ARMC3: variants seen among roughly 807,000 people sequenced by gnomAD.
ARMC3 encodes the protein armadillo repeat containing 3.
ARMC3 carries 74 observed loss-of-function variants against 90.3 expected under a neutral mutation model. That is an observed-to-expected ratio of 0.82 (90% CI 0.68 to 0.99). The LOEUF is 0.99. Ranked by LOEUF, ARMC3 falls within the 50% of genes least tolerant of loss-of-function variation. The pLI, the probability that ARMC3 is intolerant of heterozygous loss-of-function variation, is 0.00. For missense variants in ARMC3, 958 were observed against 1,042.8 expected (o/e 0.92, Z 1.12); for synonymous variants, 334 against 361.8 (o/e 0.92, Z 0.87).
intron 8 of ARMC3, among the ~76,000 whole-genome samples, chr10:22,971,244 C>A (rs575679445): frequency 6.6e-6 from 1 of 152,240 alleles, no homozygotes; most frequent in South Asian, 2.1e-4. Context: ...CAAAGAATAT[C>A]CATTGCCTGT....
chr10:22,940,836 T>C (rs1834299129), intron 2 of ARMC3, among the ~76,000 whole-genome samples: 1 of 152,198 alleles, frequency 6.6e-6, no homozygotes, highest in Admixed American at 6.5e-5. Flanking sequence ...AAGCCAGAAA[T>C]TTTACTTCTG....
At chr10:22,991,361 G>A (rs188481772) in intron 10 of ARMC3, among the ~76,000 whole-genome samples, 12 of 152,262 alleles carry the variant, frequency 7.9e-5, no homozygotes, top group Admixed American at 1.3e-4. Context: ...ACTGGGGGCC[G>A]GATGTGATCC....
intron 7 of ARMC3, among the ~76,000 whole-genome samples, chr10:22,965,660 T>A (rs1440702990): frequency 6.6e-6 from 1 of 152,218 alleles, no homozygotes; most frequent in Non-Finnish European, 1.5e-5. Flanking sequence ...CAATTACATA[T>A]ATGTTATCTT....
chr10:22,994,924 G>GT (rs1208285782), intron 10 of ARMC3, among the ~76,000 whole-genome samples: 3 of 152,074 alleles, frequency 2.0e-5, no homozygotes, highest in African/African-American at 4.8e-5. Flanking sequence ...TTTTTAGTTT[G>GT]TTTTTTTCCC....
intron 10 of ARMC3, among the ~76,000 whole-genome samples, chr10:22,983,378 G>C (rs934714263): frequency 2.6e-5 from 4 of 152,156 alleles, no homozygotes; most frequent in African/African-American, 9.6e-5. Context: ...ACAGATTTTT[G>C]TCATCTGACT....
chr10:23,031,131 G>T, intron 17 of ARMC3: 1 of 204,456 alleles, frequency 4.9e-6, no homozygotes, highest in Non-Finnish European at 9.9e-6. Context: ...GGTGGATGGG[G>T]TGTTCATAAG....
At chr10:23,027,812 A>G (rs1838772467) in intron 16 of ARMC3, among the ~76,000 whole-genome samples, 1 of 151,906 alleles carries the variant, frequency 6.6e-6, no homozygotes, top group African/African-American at 2.4e-5. Context: ...ATTGTACCAC[A>G]GGTCCCTGAG....
intron 10 of ARMC3, among the ~76,000 whole-genome samples, chr10:22,992,834 G>C (rs1836768594): frequency 6.6e-6 from 1 of 152,194 alleles, no homozygotes; most frequent in South Asian, 2.1e-4. Flanking sequence ...ATAACCAGGA[G>C]ACCTGTTTAT....
intron 8 of ARMC3, among the ~76,000 whole-genome samples, chr10:22,972,895 T>C (rs1315714608): frequency 2.0e-5 from 3 of 152,330 alleles, no homozygotes; most frequent in East Asian, 3.9e-4. Context: ...GTCTCTTAAC[T>C]ACATTAGCAT....
In ARMC3 at chr10:23,000,285, T is replaced by G. The variant is rs370426886; in HGVS notation, c.1426-1634T>G. Among the ~76,000 whole-genome samples, 6 of 152,288 alleles carry G rather than the reference T, an allele frequency of 3.9e-5. No homozygotes were observed. The East Asian group carries it at 9.7e-4, about 25-fold the overall frequency. The stretch of plus-strand genomic sequence containing the variant: ...CACAGCTATACCTGCTTGATTTCTC[T>G]GCTTTCTCCCTTTTCCCCCACCTGA... On this transcript the variant is annotated intron_variant, in intron 11 of 18. Transcript: ENST00000298032.
intron 10 of ARMC3, among the ~76,000 whole-genome samples, chr10:22,994,641 A>C (rs950498425): frequency 6.6e-6 from 1 of 152,168 alleles, no homozygotes; most frequent in Non-Finnish European, 1.5e-5. Context: ...ATATGATTAT[A>C]ATTTTAAAAC....
At chr10:22,974,853 G>C (rs888983486) in intron 8 of ARMC3, among the ~76,000 whole-genome samples, 1 of 152,064 alleles carries the variant, frequency 6.6e-6, no homozygotes, top group Non-Finnish European at 1.5e-5. Context: ...TGTTGAACAG[G>C]CTGGTCTTGA....
At chr10:22,933,583 C>T (rs1252716857) in intron 2 of ARMC3, among the ~76,000 whole-genome samples, 1 of 152,116 alleles carries the variant, frequency 6.6e-6, no homozygotes, top group Admixed American at 6.6e-5. Flanking sequence ...ACCAATGGTC[C>T]TTACTTTTCC....
chr10:22,953,113 A>G (rs1181855028), intron 3 of ARMC3, among the ~76,000 whole-genome samples: 1 of 152,212 alleles, frequency 6.6e-6, no homozygotes, highest in East Asian at 1.9e-4. Context: ...AAGGCAAGAG[A>G]GTCAGAATTG....
chr10:22,931,404 T>A (rs1256833852), intron 1 of ARMC3, among the ~76,000 whole-genome samples: 1 of 152,198 alleles, frequency 6.6e-6, no homozygotes, highest in African/African-American at 2.4e-5. Flanking sequence ...TTTACTAAGC[T>A]GTGGATTATG....
intron 8 of ARMC3, among the ~76,000 whole-genome samples, chr10:22,976,228 G>A (rs769193589): frequency 2.0e-5 from 3 of 152,058 alleles, no homozygotes; most frequent in Non-Finnish European, 4.4e-5. Context: ...CTTGCCCCAG[G>A]GTCCTCTTTT....
At chr10:23,021,651 C>G (rs1283875911) in intron 16 of ARMC3, among the ~76,000 whole-genome samples, 1 of 152,108 alleles carries the variant, frequency 6.6e-6, no homozygotes. Flanking sequence ...GTCCTTTGCC[C>G]ATTTTTAATG....
chr10:22,936,807 T>C lies in ARMC3; in HGVS notation c.48+4763T>C, dbSNP rs532531719. Among the ~76,000 whole-genome samples, 3 of 152,352 alleles carry C rather than the reference T, an allele frequency of 2.0e-5. No homozygotes were observed. The South Asian group carries it at 6.2e-4, about 32-fold the overall frequency. On this transcript the variant is annotated intron_variant, in intron 2 of 18. Coordinates refer to ENST00000298032, the MANE Select transcript of ARMC3 (RefSeq NM_173081.5). ...AAACAAATGTCATGCCAAGTTTCTCTATTCTCTGCCAAACATTTGTATTTC... is the reference window on the plus strand; with the variant it reads ...AAACAAATGTCATGCCAAGTTTCTCCATTCTCTGCCAAACATTTGTATTTC...
chr10:22,959,067 T>C lies in ARMC3; in HGVS notation c.293-3T>C, dbSNP rs1187557384. On this transcript the variant is annotated splice_region_variant and splice_polypyrimidine_tract_variant and intron_variant, in intron 4 of 18. Transcript: ENST00000298032. ...CATCAATACTCTGTTTCTTCCTTTG[T>C]AGATGATGTTAAAAAATTGTTAAGG... 12 of 1,598,082 alleles carry C rather than the reference T, an allele frequency of 7.5e-6. No individual in the cohort carries two copies. Among genetic ancestry groups the C allele is most frequent in the Non-Finnish European group, 1.0e-5 (12 of 1,165,618 alleles).
Sources: gnomAD v4.1 joint callset for allele counts (sites outside exome capture counted in the v4.1 genomes callset) on GRCh38, gnomAD v4.1.1 for gene constraint, MANE v1.5 for transcripts, NCBI Gene and HGNC (gene_info 2026-07-23, HGNC 2026-07-21) for gene names.